Variants in ABCA3 observed in about 807,000 individuals in gnomAD.
The protein encoded by ABCA3 is ATP binding cassette subfamily A member 3.
A neutral mutation model predicts 172.8 loss-of-function variants in ABCA3; 88 were observed. The observed-to-expected ratio is 0.51, with a 90% CI of 0.43 to 0.61. ABCA3 has a LOEUF of 0.61. Ranked by LOEUF, ABCA3 falls within the 20% of genes least tolerant of loss-of-function variation. ABCA3 has a pLI of 0.00. For synonymous variants in ABCA3, 1,066 were observed against 983.8 expected (o/e 1.08, Z -1.56); for missense variants, 2,164 against 2,301.0 (o/e 0.94, Z 1.22).
chr16:2,304,905 G>A (rs1418449918), intron 11 of ABCA3, among the ~76,000 whole-genome samples: 2 of 152,190 alleles, frequency 1.3e-5, no homozygotes, highest in South Asian at 2.1e-4. Flanking sequence ...TCGATCTCCT[G>A]ACCTTGTGAT....
chr16:2,279,788 C>A lies in ABCA3; in HGVS notation c.4360-658G>T, dbSNP rs913652369. Reference sequence around the variant, plus strand: ...ACAGAGTCTTACTCTGTCTCCCTTACACTGGTAGAGCGCAGTGGCATGATC... The same window carrying A: ...ACAGAGTCTTACTCTGTCTCCCTTAAACTGGTAGAGCGCAGTGGCATGATC... On this transcript the variant is annotated intron_variant, in intron 28 of 32. Transcript: ENST00000301732. The surrounding 1 kb of genome is among the most constrained non-coding windows in gnomAD (Gnocchi z 4.4). 6.7e-6 allele frequency among the ~76,000 whole-genome samples: 1 copy of A among 149,986 alleles called. No individual in the cohort carries two copies. The highest frequency in any genetic ancestry group is 6.7e-5 in the Admixed American group (1 of 15,010).
chr16:2,286,290 A>C lies in ABCA3; in HGVS notation c.3278+404T>G, dbSNP rs1164963707. Among the ~76,000 whole-genome samples the C allele has an allele frequency of 2.6e-5, 4 of 152,126 alleles. No homozygotes were observed. The South Asian group carries it at 6.2e-4, about 24-fold the overall frequency. On this transcript the variant is annotated intron_variant, in intron 22 of 32. Coordinates refer to ENST00000301732, the MANE Select transcript of ABCA3 (RefSeq NM_001089.3). The surrounding 1 kb of genome is among the most constrained non-coding windows in gnomAD (Gnocchi z 5.2). Reference sequence around the variant, plus strand: ...CATGGCAGGCTCCCGACGTGCGGCCATCTGAGGAACAGGGACGGCAGTTCT... The same window carrying C: ...CATGGCAGGCTCCCGACGTGCGGCCCTCTGAGGAACAGGGACGGCAGTTCT...
At position 2,331,357 on chromosome 16, in the gene ABCA3, C is replaced by T. The variant is rs753824527; in HGVS notation, c.-538-1503G>A. ...GTAGCTACAGGCACATGCCACCACG[C>T]CCGGCTAATTCTTGTATTTTTAATA... is the stretch of plus-strand genomic sequence containing the variant. On this transcript the variant is annotated intron_variant, in intron 1 of 32. Transcript: ENST00000301732. Among the ~76,000 whole-genome samples, 6 of 152,292 alleles carry T rather than the reference C, an allele frequency of 3.9e-5. No homozygotes were observed. In the East Asian group the frequency reaches 9.7e-4, roughly 25 times the overall value.
chr16:2,303,258 TTC>T (rs1325433927), intron 12 of ABCA3, among the ~76,000 whole-genome samples: 9 of 151,698 alleles, frequency 5.9e-5, no homozygotes, highest in Non-Finnish European at 7.4e-5. Context: ...CGAACTTTTT[TTC>T]TCTCTTTTTT....
At chr16:2,301,133 AG>A (rs1317861176) in intron 12 of ABCA3, among the ~76,000 whole-genome samples, 1 of 150,898 alleles carries the variant, frequency 6.6e-6, no homozygotes, top group Non-Finnish European at 1.5e-5. Flanking sequence ...CGGGAGGCTG[AG>A]GCAGGAGAAT....
Position 2,277,724 on chromosome 16 carries a change from G to T in ABCA3, c.4910-54C>A. ...GAGCGCCGGGCTGGAGGATCGGGGAGGGTGCCTGGGTGCTCAGCACTGGAG... is the reference window on the plus strand; with the variant it reads ...GAGCGCCGGGCTGGAGGATCGGGGATGGTGCCTGGGTGCTCAGCACTGGAG... On this transcript the variant is annotated intron_variant, in intron 31 of 32. Transcript: ENST00000301732. The surrounding 1 kb of genome is among the most constrained non-coding windows in gnomAD (Gnocchi z 5.3). 6.2e-7 allele frequency: 1 copy of T among 1,606,470 alleles called. No homozygotes were observed. The highest frequency in any genetic ancestry group is 1.1e-5 in the South Asian group (1 of 90,464).
intron 18 of ABCA3, 115 bp downstream of exon 18, chr16:2,295,475 C>T (rs1373178207): frequency 1.3e-5 from 20 of 1,518,334 alleles, no homozygotes; most frequent in African/African-American, 2.7e-5. Flanking sequence ...CTAAGAGTGC[C>T]GACTGGCCAG....
chr16:2,298,646 G>A (rs1596844135), intron 14 of ABCA3, 106 bp from the exon 15 acceptor site: 2 of 1,438,688 alleles, frequency 1.4e-6, no homozygotes, highest in East Asian at 4.8e-5. Context: ...TTCCTCTGAG[G>A]ACCCTGCCCA....
intron 1 of ABCA3, among the ~76,000 whole-genome samples, chr16:2,335,524 C>T (rs2093750384): frequency 6.6e-6 from 1 of 152,170 alleles, no homozygotes; most frequent in African/African-American, 2.4e-5. Context: ...CTTGCCTCAG[C>T]CTCCCAAAGT....
At chr16:2,294,102 C>T (rs1175262420) in intron 18 of ABCA3, among the ~76,000 whole-genome samples, 2 of 151,466 alleles carry the variant, frequency 1.3e-5, no homozygotes, top group Admixed American at 1.3e-4. Flanking sequence ...TCACTGCAAC[C>T]TCTGCTCCTG....
At chr16:2,318,895 T>C (rs1361941785) in intron 8 of ABCA3, among the ~76,000 whole-genome samples, 1 of 152,130 alleles carries the variant, frequency 6.6e-6, no homozygotes, top group African/African-American at 2.4e-5. Flanking sequence ...ACCACTTAGG[T>C]TCAGTAACCG....
Position 2,286,810 on chromosome 16 carries a change from C to T in ABCA3, c.3162G>A (p.Leu1054=). 2 of 1,614,164 alleles carry T rather than the reference C, an allele frequency of 1.2e-6. No homozygotes were observed. Among genetic ancestry groups the T allele is most frequent in the East Asian group, 2.2e-5 (1 of 44,886 alleles). Residue 1054 remains leucine, a synonymous_variant, in exon 22 of 33, where the codon CTG becomes CTA. Coordinates refer to ENST00000301732, the MANE Select transcript of ABCA3 (RefSeq NM_001089.3). The surrounding 1 kb of genome is among the most constrained non-coding windows in gnomAD (Gnocchi z 5.2). ...TGAACAGAAGGTTGTCCACGACGGCCAGGGCAGTGGCTGGAGAGTGGTACG... is the reference window on the plus strand; with the variant it reads ...TGAACAGAAGGTTGTCCACGACGGCTAGGGCAGTGGCTGGAGAGTGGTACG... ...NQAYHSPATA[L]AVVDNLLFKL...
Position 2,276,636 on chromosome 16 carries a change from G to T in ABCA3, c.*38C>A, listed in dbSNP as rs370767212. 1.2e-6 allele frequency: 2 copies of T among 1,608,900 alleles called. No homozygotes were observed. The highest frequency in any genetic ancestry group is 1.3e-5 in the African/African-American group (1 of 74,894). On this transcript the variant is annotated 3_prime_UTR_variant, in exon 33 of 33. Transcript: ENST00000301732. ...GATGTAAGATGGGCCCTGCTTGCCC[G>T]TCCTGTCCCTGCCTGATGGCGAGAC...
intron 6 of ABCA3, 92 bp downstream of exon 6, chr16:2,324,312 G>A: frequency 6.6e-7 from 1 of 1,505,476 alleles, no homozygotes; most frequent in Non-Finnish European, 8.9e-7. Context: ...TTAAGGGAAA[G>A]CAGTGCCTTT....
At chr16:2,301,173 G>C (rs1409023216) in intron 12 of ABCA3, among the ~76,000 whole-genome samples, 1 of 151,286 alleles carries the variant, frequency 6.6e-6, no homozygotes, top group Non-Finnish European at 1.5e-5. Context: ...GGAGCTTGCA[G>C]TGAGCCGAGA....
In ABCA3 at chr16:2,295,760, G is replaced by C. The variant is rs985265640; in HGVS notation, c.2264-20C>G. 9.3e-6 allele frequency: 15 copies of C among 1,613,532 alleles called. No homozygotes were observed. Among genetic ancestry groups the C allele is most frequent in the Admixed American group, 3.3e-5 (2 of 60,012 alleles). On this transcript the variant is annotated intron_variant, in intron 17 of 32. Coordinates refer to ENST00000301732, the MANE Select transcript of ABCA3 (RefSeq NM_001089.3). ...CGGCACCTGGAATACAGGGCCACGTGTGAGATCTTTGGCTGATCCCCCAGG... is the reference window on the plus strand; with the variant it reads ...CGGCACCTGGAATACAGGGCCACGTCTGAGATCTTTGGCTGATCCCCCAGG...
chr16:2,323,175 G>A (rs887675752), intron 7 of ABCA3, among the ~76,000 whole-genome samples: 1 of 152,190 alleles, frequency 6.6e-6, no homozygotes, highest in Non-Finnish European at 1.5e-5. Flanking sequence ...GAGAGGATGA[G>A]GAGAAATAGG....
Position 2,283,254 on chromosome 16 carries a change from G to A in ABCA3, c.3967C>T (p.Leu1323Phe). 1 of 1,613,484 alleles carries A rather than the reference G, an allele frequency of 6.2e-7. No individual in the cohort carries two copies. The highest frequency in any genetic ancestry group is 8.5e-7 in the Non-Finnish European group (1 of 1,179,996). ...CTCTGAAGCAGGTTGGTCTCGATGA[G>A]GAAGAGCAGGATGAGGTAGGCGCAC... Reference protein sequence around the residue: ...SGCAYLILLFLIETNLLQRLR... With the variant: ...SGCAYLILLFFIETNLLQRLR... Residue 1323 changes from leucine to phenylalanine, a missense_variant, in exon 26 of 33, where the codon CTC becomes TTC. Transcript: ENST00000301732. This position sits in a 1 kb window ranked among gnomAD's most constrained non-coding sequence, Gnocchi z 5.4.
rs933681546 is a variant in ABCA3, at chr16:2,324,343, C to T, written c.447+61G>A. 11 of 1,538,416 alleles carry T rather than the reference C, an allele frequency of 7.2e-6. No homozygotes were observed. The Admixed American group carries it at 7.8e-5, about 11-fold the overall frequency. On this transcript the variant is annotated intron_variant, in intron 6 of 32. Transcript: ENST00000301732. ...CCTTTTACAGGTTGAACTAGTGACG[C>T]GGGAGGAAGCGGAGGCCTTGCTGAT...
Sources: gnomAD v4.1 joint callset for allele counts (sites outside exome capture counted in the v4.1 genomes callset) on GRCh38, gnomAD v4.1.1 for gene constraint, Gnocchi (gnomAD v3.1) non-coding constraint, MANE v1.5 for transcripts, NCBI Gene and HGNC (gene_info 2026-07-23, HGNC 2026-07-21) for gene names.